ILRUN: variants seen among roughly 807,000 people sequenced by gnomAD.
ILRUN encodes inflammation and lipid regulator with UBA-like and NBR1-like domains, also known as protein ILRUN.
ILRUN carries 3 observed loss-of-function variants against 33.8 expected under a neutral mutation model. The observed-to-expected ratio is 0.09, with a 90% CI of 0.04 to 0.23. ILRUN has a LOEUF of 0.23. Among genes scored for constraint, ILRUN ranks in the 10% least tolerant of loss-of-function variants. ILRUN has a pLI of 1.00. For synonymous variants in ILRUN, 124 were observed against 138.9 expected (o/e 0.89, Z 0.75); for missense variants, 210 against 375.1 (o/e 0.56, Z 3.64).
At chr6:34,604,520 T>C (rs868624091) in intron 4 of ILRUN, among the ~76,000 whole-genome samples, 17 of 152,168 alleles carry the variant, frequency 1.1e-4, no homozygotes, top group Admixed American at 2.6e-4. Flanking sequence ...ACAGGAGCAA[T>C]TGGTTGTTTT....
intron 4 of ILRUN, chr6:34,595,641 A>AT (rs1761385504): frequency 8.1e-6 from 4 of 495,000 alleles, no homozygotes; most frequent in Non-Finnish European, 1.0e-5. Context: ...TCATTGAGAG[A>AT]TTTTTGCATT....
chr6:34,623,498 T>C (rs1762048722), intron 3 of ILRUN, among the ~76,000 whole-genome samples: 1 of 152,156 alleles, frequency 6.6e-6, no homozygotes, highest in Non-Finnish European at 1.5e-5. Flanking sequence ...ATTATCCTAA[T>C]AATTTAAACT....
chr6:34,675,013 G>A (rs1032666848), intron 1 of ILRUN, among the ~76,000 whole-genome samples: 1 of 152,202 alleles, frequency 6.6e-6, no homozygotes, highest in African/African-American at 2.4e-5. Context: ...GAGCGCAGTG[G>A]CTCACGCAAG....
intron 1 of ILRUN, among the ~76,000 whole-genome samples, chr6:34,696,028 C>CA (rs1399482412): frequency 2.0e-5 from 3 of 152,066 alleles, no homozygotes; most frequent in Admixed American, 6.6e-5. Flanking sequence ...CTCAGCCCCT[C>CA]ACTCCAAACC....
chr6:34,637,368 G>A (rs2814987), intron 3 of ILRUN, among the ~76,000 whole-genome samples: 67,836 of 151,974 alleles, frequency 0.45, 17,169 homozygotes, highest in African/African-American at 0.7. Flanking sequence ...TAGTATTTTA[G>A]TACAGAATTG....
chr6:34,673,860 CTG>C (rs1763169233), intron 1 of ILRUN, among the ~76,000 whole-genome samples: 1 of 149,486 alleles, frequency 6.7e-6, no homozygotes, highest in Non-Finnish European at 1.5e-5. Flanking sequence ...CACACACACG[CTG>C]GGTGACAGAG....
Position 34,657,683 on chromosome 6 carries a change from C to T in ILRUN, c.159-2904G>A, listed in dbSNP as rs559746730. Among the ~76,000 whole-genome samples, 4 of 152,292 alleles carry T rather than the reference C, an allele frequency of 2.6e-5. No homozygotes were observed. The South Asian group carries it at 8.3e-4, about 32-fold the overall frequency. ...AACCCATCAAGCAGGTACACAGCTA[C>T]AAATGTGGGGTACACAGCTTCTCAG... is the stretch of plus-strand genomic sequence containing the variant. On this transcript the variant is annotated intron_variant, in intron 1 of 4. Coordinates refer to ENST00000374023, the MANE Select transcript of ILRUN (RefSeq NM_024294.4).
intron 4 of ILRUN, chr6:34,596,060 GC>G: frequency 2.8e-6 from 1 of 360,768 alleles, no homozygotes; most frequent in Non-Finnish European, 3.9e-6. Flanking sequence ...GCTGGCAGGG[GC>G]CAGAAACTGA....
At chr6:34,620,899 C>G (rs1021850726) in intron 3 of ILRUN, among the ~76,000 whole-genome samples, 1 of 152,170 alleles carries the variant, frequency 6.6e-6, no homozygotes, top group African/African-American at 2.4e-5. Flanking sequence ...AGACCGGACA[C>G]TAACTTGTTA....
intron 1 of ILRUN, among the ~76,000 whole-genome samples, chr6:34,675,100 G>A (rs1178403713): frequency 6.6e-5 from 10 of 152,108 alleles, no homozygotes; most frequent in Non-Finnish European, 1.5e-4. Flanking sequence ...GGCTAACATG[G>A]TGAAACTCTG....
chr6:34,615,769 G>A (rs1024238882), intron 3 of ILRUN, among the ~76,000 whole-genome samples: 3 of 152,114 alleles, frequency 2.0e-5, no homozygotes, highest in African/African-American at 4.8e-5. Context: ...CAAAAACACC[G>A]TTTTATCAGC....
At chr6:34,658,560 AC>A (rs1762824249) in intron 1 of ILRUN, among the ~76,000 whole-genome samples, 1 of 145,344 alleles carries the variant, frequency 6.9e-6, no homozygotes, top group South Asian at 2.1e-4. Flanking sequence ...TAATCCCAGG[AC>A]TTTGGGAGGC....
intron 3 of ILRUN, among the ~76,000 whole-genome samples, chr6:34,632,868 A>G (rs1214801969): frequency 6.6e-6 from 1 of 152,174 alleles, no homozygotes; most frequent in East Asian, 1.9e-4. Context: ...GTAACCAATA[A>G]GTTTAGCAAT....
chr6:34,659,917 G>A (rs569527861), intron 1 of ILRUN, among the ~76,000 whole-genome samples: 7 of 151,650 alleles, frequency 4.6e-5, no homozygotes, highest in Non-Finnish European at 7.4e-5. Context: ...CACCACGCCC[G>A]GCCCATAAGG....
chr6:34,615,473 G>A (rs1761866409), intron 3 of ILRUN, among the ~76,000 whole-genome samples: 1 of 152,152 alleles, frequency 6.6e-6, no homozygotes, highest in South Asian at 2.1e-4. Flanking sequence ...GCACACACCT[G>A]TAATCCCAGC....
chr6:34,640,828 C>T (rs1762460522), intron 3 of ILRUN, among the ~76,000 whole-genome samples: 1 of 152,034 alleles, frequency 6.6e-6, no homozygotes, highest in Non-Finnish European at 1.5e-5. Flanking sequence ...TGCCTGTAAT[C>T]CCAGTACTTT....
intron 2 of ILRUN, among the ~76,000 whole-genome samples, chr6:34,649,160 T>C (rs867479275): frequency 7.2e-5 from 11 of 152,234 alleles, no homozygotes; most frequent in African/African-American, 2.4e-4. Context: ...GAAGTGTTCA[T>C]TGGCTATGAA....
chr6:34,590,164 AAG>A lies in ILRUN; in HGVS notation c.*399_*400del, dbSNP rs2127304605. 1 of 169,060 alleles carries A rather than the reference AAG, an allele frequency of 5.9e-6. No individual in the cohort carries two copies. Among genetic ancestry groups the A allele is most frequent in the Non-Finnish European group, 1.3e-5 (1 of 76,382 alleles). The allele number at this position is 169,060 out of a possible 1,614,324, so 10.5% of individuals were successfully genotyped here. On this transcript the variant is annotated 3_prime_UTR_variant, in exon 5 of 5. Transcript: ENST00000374023. ...TTATTTAAAAAAATAAAAGTGGGGA[AAG>A]AGGGAAAAAAATTAACATGTGCTCA...
chr6:34,650,412 TTTA>T (rs1562017812), intron 2 of ILRUN, among the ~76,000 whole-genome samples: 13 of 30,988 alleles, frequency 4.2e-4, no homozygotes, highest in Non-Finnish European at 4.8e-4. Context: ...TTTATTTTTA[TTTA>T]TTTATTTATT....
Sources: allele counts gnomAD v4.1 joint callset (sites outside exome capture counted in the v4.1 genomes callset), GRCh38; gene constraint gnomAD v4.1.1; transcripts MANE v1.5; gene names NCBI Gene and HGNC (gene_info 2026-07-23, HGNC 2026-07-21).